Variants in PTPRT observed in about 807,000 individuals in gnomAD.
The protein encoded by PTPRT is protein tyrosine phosphatase receptor type T.
Under a neutral mutation model 176.8 loss-of-function variants are expected in PTPRT, and 56 were observed. The observed-to-expected ratio is 0.32, with a 90% CI of 0.26 to 0.40. PTPRT has a LOEUF of 0.40. PTPRT is among the 10% of genes least tolerant of loss of function. PTPRT has a pLI of 1.00. For synonymous variants in PTPRT, 783 were observed against 739.0 expected, an observed-to-expected ratio of 1.06 and a Z score of -0.96; for missense variants, 1,540 against 1,908.2, an observed-to-expected ratio of 0.81 and a Z score of 3.60.
At chr20:42,117,344 T>C (rs1987341766) in intron 21 of PTPRT, among the ~76,000 whole-genome samples, 5 of 152,202 alleles carry the variant, frequency 3.3e-5, no homozygotes, top group African/African-American at 1.2e-4. Flanking sequence ...ATATGATGTG[T>C]AGAGAGCCCT....
chr20:42,633,450 C>T (rs2074457259), intron 7 of PTPRT, among the ~76,000 whole-genome samples: 1 of 151,738 alleles, frequency 6.6e-6, no homozygotes, highest in South Asian at 2.1e-4. Context: ...CATTTAAACC[C>T]CAATCTAACA....
At chr20:43,128,192 G>A (rs1478001035) in intron 1 of PTPRT, among the ~76,000 whole-genome samples, 1 of 152,206 alleles carries the variant, frequency 6.6e-6, no homozygotes, top group Non-Finnish European at 1.5e-5. Flanking sequence ...ACATGTTAGA[G>A]GCAGATGAAG....
At chr20:42,889,877 A>G (rs569193292) in intron 1 of PTPRT, among the ~76,000 whole-genome samples, 1 of 152,346 alleles carries the variant, frequency 6.6e-6, no homozygotes, top group East Asian at 1.9e-4. Flanking sequence ...TTCCTTTACT[A>G]AAAGGGGGTT....
chr20:43,127,180 T>C (rs1600730761), intron 1 of PTPRT, among the ~76,000 whole-genome samples: 1 of 151,960 alleles, frequency 6.6e-6, no homozygotes, highest in Admixed American at 6.6e-5. Context: ...TCCCAGCACT[T>C]TGGGAGGCAA....
chr20:43,121,066 A>G (rs906463309), intron 1 of PTPRT, among the ~76,000 whole-genome samples: 3 of 152,142 alleles, frequency 2.0e-5, no homozygotes, highest in Admixed American at 6.5e-5. Flanking sequence ...ATCACTGTAG[A>G]TGAGTATTGC....
At chr20:42,697,924 A>T (rs1348369080) in intron 6 of PTPRT, among the ~76,000 whole-genome samples, 1 of 152,244 alleles carries the variant, frequency 6.6e-6, no homozygotes, top group Non-Finnish European at 1.5e-5. Flanking sequence ...TCAGTAAAGC[A>T]ATCTGCTTAA....
intron 3 of PTPRT, among the ~76,000 whole-genome samples, chr20:42,787,969 T>A (rs973582519): frequency 3.3e-5 from 5 of 152,170 alleles, no homozygotes; most frequent in Admixed American, 6.5e-5. Flanking sequence ...ACATTGTGAA[T>A]TCTGACACAT....
At chr20:42,780,161 T>C in intron 4 of PTPRT, 57 bp downstream of exon 4, 1 of 1,369,886 alleles carries the variant, frequency 7.3e-7, no homozygotes. Context: ...TTGCAGGCTC[T>C]ATGCTACCCA....
chr20:43,067,176 T>C (rs1228817487), intron 1 of PTPRT, among the ~76,000 whole-genome samples: 1 of 151,606 alleles, frequency 6.6e-6, no homozygotes, highest in Non-Finnish European at 1.5e-5. Flanking sequence ...TGCTACAGTA[T>C]GGATGAGCCT....
intron 2 of PTPRT, among the ~76,000 whole-genome samples, chr20:42,847,148 A>T (rs1186399896): frequency 6.6e-6 from 1 of 152,342 alleles, no homozygotes; most frequent in East Asian, 1.9e-4. Context: ...CAAAGGGAAT[A>T]TTTACAAAGG....
chr20:42,817,510 G>A (rs968681956), intron 2 of PTPRT, among the ~76,000 whole-genome samples: 3 of 151,982 alleles, frequency 2.0e-5, no homozygotes, highest in African/African-American at 7.2e-5. Flanking sequence ...TGTATATTCA[G>A]GGACAGTATG....
chr20:42,155,579 C>G (rs1989315795), intron 17 of PTPRT, among the ~76,000 whole-genome samples: 1 of 152,150 alleles, frequency 6.6e-6, no homozygotes, highest in Non-Finnish European at 1.5e-5. Context: ...CTAAGGTCAC[C>G]TGAATACTTA....
rs974012242 is a variant in PTPRT at position 42,584,105 on chromosome 20, A to G, written c.1153+93761T>C. Among the ~76,000 whole-genome samples, 87 of 152,334 alleles carry G rather than the reference A, an allele frequency of 5.7e-4. 1 individual carries two copies. The highest frequency in any genetic ancestry group is 2.0e-3 in the African/African-American group (84 of 41,574). ...ATATTAACTTATTCTCCAGCTGAATATCACCAAGAGACCTGTCTTCTGATG... is the reference window on the plus strand; with the variant it reads ...ATATTAACTTATTCTCCAGCTGAATGTCACCAAGAGACCTGTCTTCTGATG... On this transcript the variant is annotated intron_variant, in intron 7 of 30. Coordinates refer to ENST00000373187, the MANE Select transcript of PTPRT (RefSeq NM_007050.6).
At chr20:42,683,186 C>A (rs988040784) in intron 6 of PTPRT, among the ~76,000 whole-genome samples, 1 of 152,236 alleles carries the variant, frequency 6.6e-6, no homozygotes, top group African/African-American at 2.4e-5. Flanking sequence ...CATACACAGA[C>A]AGAAACACGG....
intron 13 of PTPRT, among the ~76,000 whole-genome samples, chr20:42,282,041 C>T (rs1044464891): frequency 6.6e-6 from 1 of 152,092 alleles, no homozygotes; most frequent in Non-Finnish European, 1.5e-5. Context: ...CTTCTCATTA[C>T]TAAAGGCCCC....
At chr20:42,453,641 T>C (rs1006110821) in intron 8 of PTPRT, among the ~76,000 whole-genome samples, 1 of 150,998 alleles carries the variant, frequency 6.6e-6, no homozygotes. Flanking sequence ...CTACAGGTAC[T>C]ATCCTGATTT....
At chr20:42,898,873 A>C (rs1027288479) in intron 1 of PTPRT, among the ~76,000 whole-genome samples, 17 of 152,172 alleles carry the variant, frequency 1.1e-4, no homozygotes, top group Admixed American at 9.8e-4. Flanking sequence ...CTGAGAGAAC[A>C]GGGGGAGAGA....
chr20:42,536,258 C>A (rs892939280), intron 7 of PTPRT, among the ~76,000 whole-genome samples: 5 of 152,150 alleles, frequency 3.3e-5, no homozygotes, highest in Admixed American at 1.3e-4. Flanking sequence ...GCTGCCTATG[C>A]CCTATACATT....
chr20:42,056,862 A>G, the PTPRT span, among the ~76,000 whole-genome samples: 1 of 152,240 alleles, frequency 6.6e-6, no homozygotes, highest in Non-Finnish European at 1.5e-5. Context: ...AGGAAAGAGC[A>G]GAAGACTTCT....
Sources: allele counts gnomAD v4.1 joint callset (sites outside exome capture counted in the v4.1 genomes callset), GRCh38; gene constraint gnomAD v4.1.1; transcripts MANE v1.5; gene names NCBI Gene and HGNC (gene_info 2026-07-23, HGNC 2026-07-21).